The following KATNBL1 variants were observed in gnomAD, a reference collection of about 807,000 sequenced individuals.
The protein encoded by KATNBL1 is KATNB1-like protein 1.
In KATNBL1, 28 loss-of-function variants were observed where a neutral mutation model predicts 44.7. The ratio of observed to expected loss-of-function variants is 0.63; its 90% confidence interval spans 0.46 to 0.86. The LOEUF is 0.86. Ranked by LOEUF, KATNBL1 falls within the 40% of genes least tolerant of loss-of-function variation. The pLI is 0.00. For synonymous variants in KATNBL1, 78 were observed against 114.9 expected (o/e 0.68, Z 2.06); for missense variants, 272 against 350.7 (o/e 0.78, Z 1.79).
At chr15:34,152,303 C>T (rs1388016651) in intron 4 of KATNBL1, among the ~76,000 whole-genome samples, 1 of 151,712 alleles carries the variant, frequency 6.6e-6, no homozygotes, top group Admixed American at 6.6e-5. Flanking sequence ...CGGGTTCAAG[C>T]GATTCTCCTG....
At chr15:34,206,444 A>G (rs926534300) in intron 1 of KATNBL1, among the ~76,000 whole-genome samples, 1 of 152,198 alleles carries the variant, frequency 6.6e-6, no homozygotes, top group Non-Finnish European at 1.5e-5. Flanking sequence ...TGGTAGTGAA[A>G]AAATACTTAG....
intron 5 of KATNBL1, among the ~76,000 whole-genome samples, chr15:34,148,097 C>T (rs1275310724): frequency 6.6e-6 from 1 of 152,120 alleles, no homozygotes; most frequent in East Asian, 1.9e-4. Flanking sequence ...GGGACTCTCT[C>T]ACCTCAACCT....
chr15:34,155,478 G>A (rs1437283739), intron 2 of KATNBL1, among the ~76,000 whole-genome samples: 1 of 152,132 alleles, frequency 6.6e-6, no homozygotes, highest in Non-Finnish European at 1.5e-5. Flanking sequence ...TGGTGGCTGT[G>A]ATCCCTTTCC....
In KATNBL1 at chr15:34,181,814, A is replaced by ATATGT. The variant is rs1491216255; in HGVS notation, c.-14-18125_-14-18124insACATA. Among the ~76,000 whole-genome samples, 6 of 72,866 alleles carry ATATGT rather than the reference A, an allele frequency of 8.2e-5. 1 individual carries two copies. Among genetic ancestry groups the ATATGT allele is most frequent in the East Asian group, 3.5e-4 (1 of 2,846 alleles). 47.8% of individuals were successfully genotyped at this position (72,866 alleles called of 152,430 possible). A position where few individuals can be genotyped will look rare whatever the true frequency, so the allele number is the denominator to read the frequency against. ...TATATATCCATATATATACATATAT[A>ATATGT]CATGTCCATATATATCCATATATAT... On this transcript the variant is annotated intron_variant, in intron 1 of 9. Transcript: ENST00000256544.
At chr15:34,196,831 G>A (rs541885432) in intron 1 of KATNBL1, among the ~76,000 whole-genome samples, 3 of 152,180 alleles carry the variant, frequency 2.0e-5, no homozygotes, top group Non-Finnish European at 4.4e-5. Context: ...TACATTATCA[G>A]TACAAAATCC....
chr15:34,151,395 T>C (rs1888465294), intron 4 of KATNBL1, among the ~76,000 whole-genome samples: 1 of 151,088 alleles, frequency 6.6e-6, no homozygotes, highest in Non-Finnish European at 1.5e-5. Context: ...CACCTACATG[T>C]ATGTCTTCTT....
At chr15:34,197,842 G>A (rs1027712914) in intron 1 of KATNBL1, among the ~76,000 whole-genome samples, 6 of 152,248 alleles carry the variant, frequency 3.9e-5, no homozygotes, top group African/African-American at 1.4e-4. Context: ...CTGCCTCCCA[G>A]GTTCAAGAGA....
intron 2 of KATNBL1, among the ~76,000 whole-genome samples, chr15:34,162,340 TG>T (rs1240398559): frequency 6.6e-6 from 1 of 152,190 alleles, no homozygotes; most frequent in African/African-American, 2.4e-5. Flanking sequence ...CCCTTTCAAT[TG>T]GTTCTCATTC....
At chr15:34,190,517 T>C (rs960526266) in intron 1 of KATNBL1, among the ~76,000 whole-genome samples, 31 of 152,208 alleles carry the variant, frequency 2.0e-4, no homozygotes, top group Admixed American at 2.0e-3. Flanking sequence ...AGTAAAACTC[T>C]TGTATACTCA....
intron 1 of KATNBL1, among the ~76,000 whole-genome samples, chr15:34,202,349 T>G (rs554338218): frequency 1.3e-5 from 2 of 152,310 alleles, no homozygotes; most frequent in East Asian, 3.9e-4. Flanking sequence ...GTACCAGAAG[T>G]CAACAGGGTT....
chr15:34,145,336 A>G, intron 9 of KATNBL1, 62 bp downstream of exon 9: 1 of 1,324,032 alleles, frequency 7.6e-7, no homozygotes, highest in Non-Finnish European at 9.8e-7. Context: ...AAATTAATTT[A>G]TAAATGTAAA....
chr15:34,156,239 T>G (rs1888633605), intron 2 of KATNBL1, among the ~76,000 whole-genome samples: 1 of 152,180 alleles, frequency 6.6e-6, no homozygotes, highest in African/African-American at 2.4e-5. Context: ...GAACTCAGTG[T>G]CGGGAGACAG....
At position 34,141,606 on chromosome 15, in the gene KATNBL1, AT is replaced by A. The variant is rs1472656482; in HGVS notation, c.*732del. The A allele has an allele frequency of 2.0e-5, 3 of 152,620 alleles. No individual in the cohort carries two copies. The highest frequency in any genetic ancestry group is 2.9e-5 in the Non-Finnish European group (2 of 68,004). 9.5% of individuals were successfully genotyped at this position (152,620 alleles called of 1,614,324 possible). On this transcript the variant is annotated 3_prime_UTR_variant, in exon 10 of 10. Transcript: ENST00000256544. ...CATGACATGATGATTCTGGCAAAAAATATCAGAGATACTAAAACTATTCTCA... is the reference window on the plus strand; with the variant it reads ...CATGACATGATGATTCTGGCAAAAAAATCAGAGATACTAAAACTATTCTCA...
chr15:34,179,898 T>C (rs745592847), intron 1 of KATNBL1, among the ~76,000 whole-genome samples: 19 of 152,234 alleles, frequency 1.2e-4, no homozygotes, highest in Admixed American at 2.0e-4. Context: ...TTATAAAACA[T>C]GGCTTAATCG....
chr15:34,180,266 A>G (rs1485603642), intron 1 of KATNBL1, among the ~76,000 whole-genome samples: 2 of 99,780 alleles, frequency 2.0e-5, no homozygotes, highest in African/African-American at 5.9e-5. Context: ...TTGCTCTCTC[A>G]TCTGAAAAAA....
At chr15:34,173,217 T>C (rs1889225799) in intron 1 of KATNBL1, among the ~76,000 whole-genome samples, 1 of 151,914 alleles carries the variant, frequency 6.6e-6, no homozygotes, top group Non-Finnish European at 1.5e-5. Context: ...AGAGATAATT[T>C]AAGAAAACTG....
chr15:34,151,902 C>A (rs1597427823), intron 4 of KATNBL1, among the ~76,000 whole-genome samples: 1 of 151,974 alleles, frequency 6.6e-6, no homozygotes, highest in South Asian at 2.1e-4. Context: ...ATATTGAGAG[C>A]CCGGCAAAAT....
At chr15:34,182,800 T>C (rs543711662) in intron 1 of KATNBL1, among the ~76,000 whole-genome samples, 5 of 152,080 alleles carry the variant, frequency 3.3e-5, no homozygotes, top group South Asian at 4.2e-4. Flanking sequence ...TTCTAGAAAA[T>C]AAATATGGAT....
At chr15:34,184,629 C>T (rs2140974780) in intron 1 of KATNBL1, among the ~76,000 whole-genome samples, 1 of 118,262 alleles carries the variant, frequency 8.5e-6, no homozygotes, top group African/African-American at 3.2e-5. Context: ...CTGGAGAGTG[C>T]AGTGGCGATC....
Sources: allele counts gnomAD v4.1 joint callset (sites outside exome capture counted in the v4.1 genomes callset), GRCh38; gene constraint gnomAD v4.1.1; transcripts MANE v1.5; gene names NCBI Gene and HGNC (gene_info 2026-07-23, HGNC 2026-07-21).